KCNN2: variants seen among roughly 807,000 people sequenced by gnomAD.
The protein encoded by KCNN2 is potassium calcium-activated channel subfamily N member 2.
Under a neutral mutation model 55.5 loss-of-function variants are expected in KCNN2, and 24 were observed. The observed-to-expected ratio is 0.43, with a 90% CI of 0.31 to 0.61. The LOEUF (loss-of-function observed/expected upper bound fraction) is 0.61, where lower values mean the gene tolerates loss of function less well. Among genes scored for constraint, KCNN2 ranks in the 20% least tolerant of loss-of-function variants. The pLI, the probability that KCNN2 is intolerant of heterozygous loss-of-function variation, is 0.08. For missense variants in KCNN2, 754 were observed against 853.6 expected, an observed-to-expected ratio of 0.88 and a Z score of 1.45; for synonymous variants, 431 against 336.1, an observed-to-expected ratio of 1.28 and a Z score of -3.09.
intron 2 of KCNN2, among the ~76,000 whole-genome samples, chr5:114,238,885 C>T (rs558210582): frequency 3.0e-4 from 45 of 152,142 alleles, no homozygotes; most frequent in Non-Finnish European, 5.1e-4. Context: ...GTACAGTGTT[C>T]CTGATAATCT....
At chr5:114,348,709 A>T (rs1757157899) in intron 2 of KCNN2, among the ~76,000 whole-genome samples, 1 of 152,152 alleles carries the variant, frequency 6.6e-6, no homozygotes, top group South Asian at 2.1e-4. Context: ...ACAAGAAAAA[A>T]TCTTGAATCC....
chr5:114,319,638 C>A (rs763996658), intron 2 of KCNN2, among the ~76,000 whole-genome samples: 81 of 152,124 alleles, frequency 5.3e-4, no homozygotes, highest in Non-Finnish European at 1.0e-4. Flanking sequence ...TTTATATATT[C>A]AGGCAAAAGT....
intron 2 of KCNN2, among the ~76,000 whole-genome samples, chr5:114,305,768 C>G (rs1299873622): frequency 6.6e-6 from 1 of 152,198 alleles, no homozygotes; most frequent in Non-Finnish European, 1.5e-5. Context: ...AAACCCCTTT[C>G]TCCTGAAATG....
At chr5:114,395,480 C>T (rs1180345032) in intron 2 of KCNN2, among the ~76,000 whole-genome samples, 1 of 152,098 alleles carries the variant, frequency 6.6e-6, no homozygotes, top group Non-Finnish European at 1.5e-5. Context: ...CTCTTAACAA[C>T]CTCAGAATTG....
intron 2 of KCNN2, among the ~76,000 whole-genome samples, chr5:114,281,092 C>G (rs1755614819): frequency 6.6e-6 from 1 of 152,078 alleles, no homozygotes; most frequent in Non-Finnish European, 1.5e-5. Flanking sequence ...ATTTTCTGAC[C>G]ACTTGTGTAC....
chr5:114,385,519 G>A (rs558863742), intron 2 of KCNN2, among the ~76,000 whole-genome samples: 11,389 of 143,504 alleles, frequency 0.079, 579 homozygotes, highest in Non-Finnish European at 0.086. Context: ...ACACATGCGC[G>A]CACACACACA....
intron 1 of KCNN2, among the ~76,000 whole-genome samples, chr5:114,218,665 A>G (rs528582189): frequency 2.0e-5 from 3 of 152,332 alleles, no homozygotes; most frequent in Admixed American, 6.5e-5. Context: ...ATATGTCATT[A>G]TACGTTTGTT....
Position 114,145,640 on chromosome 5 carries a change from C to T in KCNN2, c.-270-75840C>T, listed in dbSNP as rs545533723. On this transcript the variant is annotated intron_variant, in intron 1 of 10. Transcript: ENST00000512097. ...GGGGTTCCGTCTTCTGAAGGTTGGG[C>T]AGGACAACGATCATCTACAGAACCA... Among the ~76,000 whole-genome samples, 6 of 152,244 alleles carry T rather than the reference C, an allele frequency of 3.9e-5. No homozygotes were observed. The East Asian group carries it at 1.2e-3, about 29-fold the overall frequency.
intron 2 of KCNN2, among the ~76,000 whole-genome samples, chr5:114,267,356 A>C (rs1373721658): frequency 6.6e-6 from 1 of 151,988 alleles, no homozygotes; most frequent in Non-Finnish European, 1.5e-5. Flanking sequence ...CTCTGGATCT[A>C]TTTGCTACCC....
chr5:114,338,520 A>G (rs1034834037), intron 2 of KCNN2, among the ~76,000 whole-genome samples: 14 of 152,220 alleles, frequency 9.2e-5, no homozygotes, highest in Admixed American at 7.8e-4. Context: ...GTTGAAACTT[A>G]GAAAAAGTAA....
At chr5:114,202,585 A>ATATATTT (rs1430105677) in intron 1 of KCNN2, among the ~76,000 whole-genome samples, 10 of 92,134 alleles carry the variant, frequency 1.1e-4, no homozygotes, top group Admixed American at 3.3e-4. Flanking sequence ...ATATATATAT[A>ATATATTT]TTTTTTTTTT....
Position 114,085,689 on chromosome 5 carries a change from G to GT in KCNN2, c.-271+29190dup, listed in dbSNP as rs1751001510. ...AAATCTAAGTTGGTAAATGTTTCGA[G>GT]TGCACTTGAAAATAATTTTGAGTTA... On this transcript the variant is annotated intron_variant, in intron 1 of 10. Coordinates refer to the KCNN2 transcript ENST00000512097. Among the ~76,000 whole-genome samples the GT allele has an allele frequency of 2.6e-5, 4 of 151,946 alleles. No homozygotes were observed. In the South Asian group the frequency reaches 8.3e-4, roughly 31 times the overall value.
intron 2 of KCNN2, among the ~76,000 whole-genome samples, chr5:114,331,820 T>G (rs1756826507): frequency 6.6e-6 from 1 of 152,220 alleles, no homozygotes; most frequent in African/African-American, 2.4e-5. Flanking sequence ...TGCAACATGA[T>G]CTTCTACTCA....
chr5:114,393,410 G>A (rs189458108), intron 2 of KCNN2, among the ~76,000 whole-genome samples: 152 of 152,196 alleles, frequency 1.0e-3, no homozygotes, highest in African/African-American at 3.4e-3. Flanking sequence ...CATTCAGAAC[G>A]TCAGTGATTA....
At chr5:114,462,451 A>C (rs991009377) in intron 3 of KCNN2, among the ~76,000 whole-genome samples, 1 of 152,174 alleles carries the variant, frequency 6.6e-6, no homozygotes, top group Non-Finnish European at 1.5e-5. Context: ...TCAAGGATGA[A>C]GGACATCCAG....
At chr5:114,117,741 A>C (rs892067074) in intron 1 of KCNN2, among the ~76,000 whole-genome samples, 13 of 152,282 alleles carry the variant, frequency 8.5e-5, no homozygotes, top group South Asian at 4.1e-4. Context: ...ACAGAACTGG[A>C]AATATTAACA....
chr5:114,135,780 T>C (rs866129020), intron 1 of KCNN2, among the ~76,000 whole-genome samples: 5 of 152,220 alleles, frequency 3.3e-5, no homozygotes, highest in Admixed American at 6.5e-5. Flanking sequence ...GAAATATGGA[T>C]TATTAATATT....
At chr5:114,348,349 C>T (rs1374362294) in intron 2 of KCNN2, among the ~76,000 whole-genome samples, 7 of 151,744 alleles carry the variant, frequency 4.6e-5, no homozygotes, top group Non-Finnish European at 1.0e-4. Context: ...GTGCAGCACA[C>T]CAGCATGGCA....
chr5:114,088,524 C>G (rs1367073622), intron 1 of KCNN2, among the ~76,000 whole-genome samples: 1 of 151,930 alleles, frequency 6.6e-6, no homozygotes, highest in South Asian at 2.1e-4. Flanking sequence ...TGATTAGTAT[C>G]TATTGTTTTT....
Sources: gnomAD v4.1 joint callset for allele counts (sites outside exome capture counted in the v4.1 genomes callset) on GRCh38, gnomAD v4.1.1 for gene constraint, MANE v1.5 for transcripts, NCBI Gene and HGNC (gene_info 2026-07-23, HGNC 2026-07-21) for gene names.